NRG3: variants seen among roughly 807,000 people sequenced by gnomAD.
NRG3 encodes the protein neuregulin 3.
NRG3 carries 31 observed loss-of-function variants against 66.9 expected under a neutral mutation model. The ratio of observed to expected loss-of-function variants is 0.46; its 90% confidence interval spans 0.35 to 0.63. The LOEUF is 0.63. Among genes scored for constraint, NRG3 ranks in the 20% least tolerant of loss-of-function variants. The probability of loss-of-function intolerance (pLI) is 0.00; values close to 1 mark genes in which losing one functional copy is unlikely to be tolerated. For synonymous variants in NRG3, 393 were observed against 359.4 expected (o/e 1.09, Z -1.06); for missense variants, 910 against 878.9 (o/e 1.04, Z -0.45).
chr10:82,824,504 C>T (rs889213990), intron 3 of NRG3, among the ~76,000 whole-genome samples: 7 of 152,104 alleles, frequency 4.6e-5, no homozygotes, highest in East Asian at 3.9e-4. Flanking sequence ...TGCGGGGCTT[C>T]GACTTTTCTG....
intron 2 of NRG3, among the ~76,000 whole-genome samples, chr10:82,678,128 G>T (rs2053850381): frequency 1.3e-5 from 2 of 152,176 alleles, no homozygotes; most frequent in South Asian, 4.1e-4. Flanking sequence ...ATCTTATCAG[G>T]AAGCGGCTGA....
In NRG3 at chr10:82,240,549, T is replaced by G. The variant is rs539152355; in HGVS notation, c.824-118190T>G. Among the ~76,000 whole-genome samples the G allele has an allele frequency of 8.1e-4, 123 of 152,306 alleles. 1 individual carries two copies. Among genetic ancestry groups the G allele is most frequent in the Admixed American group, 7.3e-3 (112 of 15,294 alleles). Reference sequence around the variant, plus strand: ...AATTCCATTAGGGGAAAAAGACTTTTCAATCAGTCACTCGAGTGTCCACAG... The same window carrying G: ...AATTCCATTAGGGGAAAAAGACTTTGCAATCAGTCACTCGAGTGTCCACAG... On this transcript the variant is annotated intron_variant, in intron 1 of 8. Transcript: ENST00000372141.
chr10:82,656,308 C>CTTTTTTTTTTTT (rs3040205), intron 2 of NRG3, among the ~76,000 whole-genome samples: 45 of 131,952 alleles, frequency 3.4e-4, no homozygotes, highest in Non-Finnish European at 4.6e-4. Flanking sequence ...TTTCTTTTTT[C>CTTTTTTTTTTTT]TTTTTTTTTT....
intron 2 of NRG3, among the ~76,000 whole-genome samples, chr10:82,632,530 T>A (rs2049913384): frequency 6.6e-6 from 1 of 152,208 alleles, no homozygotes; most frequent in East Asian, 1.9e-4. Flanking sequence ...TCTATGAACT[T>A]TTCCCTGGCA....
intron 1 of NRG3, among the ~76,000 whole-genome samples, chr10:82,325,414 C>T (rs775455663): frequency 1.1e-4 from 17 of 152,036 alleles, no homozygotes; most frequent in Non-Finnish European, 1.9e-4. Context: ...GGTAGTATTT[C>T]TCTTTATTCC....
intron 1 of NRG3, among the ~76,000 whole-genome samples, chr10:82,170,150 C>T (rs1387655254): frequency 6.6e-6 from 1 of 152,012 alleles, no homozygotes; most frequent in Non-Finnish European, 1.5e-5. Flanking sequence ...CAACACATTA[C>T]CAGAGATAAC....
chr10:82,697,375 A>G (rs2055473867), intron 2 of NRG3, among the ~76,000 whole-genome samples: 1 of 152,194 alleles, frequency 6.6e-6, no homozygotes, highest in South Asian at 2.1e-4. Flanking sequence ...AAAAAATTAC[A>G]GAGAAATCCA....
chr10:82,465,778 TG>T (rs1840613584), intron 2 of NRG3, among the ~76,000 whole-genome samples: 1 of 152,148 alleles, frequency 6.6e-6, no homozygotes, highest in African/African-American at 2.4e-5. Flanking sequence ...CCACTGGTTG[TG>T]GGGTAGAGCC....
At chr10:82,538,861 A>G (rs909607182) in intron 2 of NRG3, among the ~76,000 whole-genome samples, 2 of 152,200 alleles carry the variant, frequency 1.3e-5, no homozygotes, top group African/African-American at 4.8e-5. Context: ...TACTCTAGGT[A>G]AGTGGGAAGA....
intron 1 of NRG3, among the ~76,000 whole-genome samples, chr10:82,332,798 A>G (rs2082201269): frequency 6.6e-6 from 1 of 152,170 alleles, no homozygotes; most frequent in Non-Finnish European, 1.5e-5. Flanking sequence ...CAGTAGATAG[A>G]GAAAGAAACT....
chr10:82,862,272 TC>T (rs2064170457), intron 3 of NRG3, among the ~76,000 whole-genome samples: 1 of 152,138 alleles, frequency 6.6e-6, no homozygotes, highest in African/African-American at 2.4e-5. Flanking sequence ...TGATGTAACT[TC>T]CCCAGCACCA....
chr10:81,993,499 A>G (rs529789985), intron 1 of NRG3, among the ~76,000 whole-genome samples: 1 of 152,126 alleles, frequency 6.6e-6, no homozygotes, highest in Admixed American at 6.5e-5. Flanking sequence ...GATGCATGCC[A>G]CCACAACCAG....
At chr10:82,579,331 A>G (rs1286448237) in intron 2 of NRG3, among the ~76,000 whole-genome samples, 1 of 151,932 alleles carries the variant, frequency 6.6e-6, no homozygotes. Context: ...GCATAGGGCA[A>G]TAGGTTGATT....
At chr10:82,975,720 C>T (rs111704556) in intron 7 of NRG3, among the ~76,000 whole-genome samples, 291 of 152,316 alleles carry the variant, frequency 1.9e-3, no homozygotes, top group African/African-American at 6.8e-3. Flanking sequence ...ATATATCCTG[C>T]AAACTGCACC....
chr10:81,934,135 A>G (rs2133028762), intron 1 of NRG3, among the ~76,000 whole-genome samples: 1 of 152,304 alleles, frequency 6.6e-6, no homozygotes, highest in East Asian at 1.9e-4. Context: ...TGCTTACAAC[A>G]ACTAATAACC....
intron 1 of NRG3, among the ~76,000 whole-genome samples, chr10:81,986,922 T>A (rs1049449502): frequency 2.3e-4 from 35 of 152,158 alleles, no homozygotes; most frequent in Non-Finnish European, 5.9e-5. Context: ...ACTTAAGTAA[T>A]CCTCCCACCT....
intron 2 of NRG3, among the ~76,000 whole-genome samples, chr10:82,617,052 G>A (rs1590889354): frequency 2.0e-5 from 3 of 152,236 alleles, no homozygotes; most frequent in African/African-American, 7.2e-5. Flanking sequence ...TTTTTTCTGA[G>A]TGCATTGGTT....
Position 82,091,626 on chromosome 10 carries a change from T to C in NRG3, c.823+215463T>C, listed in dbSNP as rs149482192. Among the ~76,000 whole-genome samples, 71 of 152,290 alleles carry C rather than the reference T, an allele frequency of 4.7e-4. 1 individual carries two copies. The East Asian group carries it at 9.7e-3, about 21-fold the overall frequency. On this transcript the variant is annotated intron_variant, in intron 1 of 8. Transcript: ENST00000372141. ...TGAATAATGCTCCCAAGACCAGCTGTACAAACAGATATTCGAGTCTCTGAT... is the reference window on the plus strand; with the variant it reads ...TGAATAATGCTCCCAAGACCAGCTGCACAAACAGATATTCGAGTCTCTGAT...
At chr10:82,883,053 T>C (rs1842434981) in intron 4 of NRG3, among the ~76,000 whole-genome samples, 1 of 152,210 alleles carries the variant, frequency 6.6e-6, no homozygotes, top group African/African-American at 2.4e-5. Flanking sequence ...TCTCTAAAAA[T>C]ATTTACTTTT....
Sources: allele counts gnomAD v4.1 joint callset (sites outside exome capture counted in the v4.1 genomes callset), GRCh38; gene constraint gnomAD v4.1.1; transcripts MANE v1.5; gene names NCBI Gene and HGNC (gene_info 2026-07-23, HGNC 2026-07-21).